PCDH15: variants seen among roughly 807,000 people sequenced by gnomAD.
PCDH15 encodes the protein protocadherin related 15, also known as protocadherin-15.
Under a neutral mutation model 178.5 loss-of-function variants are expected in PCDH15, and 129 were observed. The ratio of observed to expected loss-of-function variants is 0.72; its 90% confidence interval spans 0.63 to 0.84. The LOEUF (loss-of-function observed/expected upper bound fraction) is 0.84, where lower values mean the gene tolerates loss of function less well. PCDH15 is among the 40% of genes least tolerant of loss of function. PCDH15 has a pLI of 0.00. For missense variants in PCDH15, 2,230 were observed against 2,099.9 expected (o/e 1.06, Z -1.21); for synonymous variants, 800 against 732.0 (o/e 1.09, Z -1.50).
At chr10:54,099,450 G>T (rs1479786496) in intron 15 of PCDH15, among the ~76,000 whole-genome samples, 5 of 126,648 alleles carry the variant, frequency 3.9e-5, no homozygotes, top group Non-Finnish European at 7.8e-5. Context: ...AGTGAGCCAA[G>T]ATCACTCCAC....
intron 8 of PCDH15, among the ~76,000 whole-genome samples, chr10:54,296,884 G>T (rs987516831): frequency 5.5e-4 from 84 of 152,282 alleles, no homozygotes; most frequent in African/African-American, 1.8e-3. Flanking sequence ...CATCTTTATA[G>T]GGCATGGATA....
At chr10:54,917,149 T>A (rs1226555473) in intron 2 of PCDH15, among the ~76,000 whole-genome samples, 1 of 152,144 alleles carries the variant, frequency 6.6e-6, no homozygotes, top group African/African-American at 2.4e-5. Flanking sequence ...TAAAATGCAT[T>A]TGGCTAGAAC....
intron 3 of PCDH15, among the ~76,000 whole-genome samples, chr10:54,895,918 A>T (rs534542432): frequency 2.0e-5 from 3 of 151,474 alleles, no homozygotes; most frequent in Non-Finnish European, 4.4e-5. Context: ...ATGGAGTCTC[A>T]CTCTGTTGCC....
chr10:53,973,260 G>T (rs1205208694), intron 21 of PCDH15, among the ~76,000 whole-genome samples: 1 of 142,464 alleles, frequency 7.0e-6, no homozygotes, highest in East Asian at 2.2e-4. Context: ...TTGGACACAG[G>T]GCGAGGAACA....
chr10:54,411,374 T>A (rs1488473874), intron 3 of PCDH15, among the ~76,000 whole-genome samples: 1 of 152,184 alleles, frequency 6.6e-6, no homozygotes, highest in Non-Finnish European at 1.5e-5. Flanking sequence ...ACTGACTTTT[T>A]AAAATAAAAT....
chr10:54,517,147 A>G (rs1297442347), intron 3 of PCDH15, among the ~76,000 whole-genome samples: 17 of 152,232 alleles, frequency 1.1e-4, no homozygotes, highest in Admixed American at 6.5e-4. Context: ...AAGAAACTGC[A>G]TGAACTAACG....
At chr10:53,906,201 AGAATAAAAAAAATTG>A in intron 25 of PCDH15, among the ~76,000 whole-genome samples, 1 of 151,884 alleles carries the variant, frequency 6.6e-6, no homozygotes, top group South Asian at 2.1e-4. Context: ...CTTAGATGTT[AGAATAAAAAAAATTG>A]TTAACTTTTA....
intron 3 of PCDH15, among the ~76,000 whole-genome samples, chr10:54,881,269 G>GC (rs756192171): frequency 5.9e-5 from 9 of 152,020 alleles, no homozygotes; most frequent in Non-Finnish European, 8.8e-5. Flanking sequence ...GGAGTGACAG[G>GC]CAGACCTATT....
chr10:54,899,664 T>A (rs557488941), intron 2 of PCDH15, among the ~76,000 whole-genome samples: 1 of 151,462 alleles, frequency 6.6e-6, no homozygotes, highest in Non-Finnish European at 1.5e-5. Flanking sequence ...GCCTGGCTAA[T>A]TTTTTGTATT....
At chr10:55,014,186 G>T (rs1840115362) in intron 2 of PCDH15, among the ~76,000 whole-genome samples, 1 of 151,914 alleles carries the variant, frequency 6.6e-6, no homozygotes, top group Non-Finnish European at 1.5e-5. Flanking sequence ...TCAAAGGGAG[G>T]AATACACCTT....
intron 2 of PCDH15, among the ~76,000 whole-genome samples, chr10:54,532,617 C>A (rs547987677): frequency 6.6e-6 from 1 of 152,280 alleles, no homozygotes; most frequent in South Asian, 2.1e-4. Flanking sequence ...GGGCCTCAAT[C>A]AAATTTGTAA....
At chr10:54,271,837 C>T (rs1315041389) in intron 8 of PCDH15, among the ~76,000 whole-genome samples, 1 of 151,410 alleles carries the variant, frequency 6.6e-6, no homozygotes, top group Non-Finnish European at 1.5e-5. Context: ...TCTCATACAT[C>T]TTCATTTTAG....
intron 5 of PCDH15, among the ~76,000 whole-genome samples, chr10:54,351,109 A>T (rs1351774570): frequency 1.3e-5 from 1 of 74,962 alleles, no homozygotes; most frequent in Non-Finnish European, 4.2e-5. Context: ...TCTCAATTTA[A>T]AAAAAAAAAA....
intron 26 of PCDH15, among the ~76,000 whole-genome samples, chr10:53,894,995 C>A (rs915868527): frequency 1.3e-5 from 2 of 152,126 alleles, no homozygotes; most frequent in African/African-American, 4.8e-5. Flanking sequence ...ATTAGCTGCA[C>A]ATGTTGGGAA....
intron 1 of PCDH15, among the ~76,000 whole-genome samples, chr10:54,670,596 C>T (rs2094645553): frequency 6.6e-6 from 1 of 152,026 alleles, no homozygotes; most frequent in Non-Finnish European, 1.5e-5. Context: ...TCAGTTTAGT[C>T]TATAATAGAT....
chr10:53,962,430 C>CA (rs2088454350), intron 21 of PCDH15, among the ~76,000 whole-genome samples: 1 of 151,738 alleles, frequency 6.6e-6, no homozygotes, highest in Non-Finnish European at 1.5e-5. Flanking sequence ...GCTAAAAAAA[C>CA]AAAAATTATT....
chr10:53,890,480 T>C (rs1171361688), intron 26 of PCDH15, among the ~76,000 whole-genome samples: 7 of 152,078 alleles, frequency 4.6e-5, no homozygotes, highest in Non-Finnish European at 8.8e-5. Flanking sequence ...TATCTTGGGG[T>C]CTATTGGCTT....
chr10:54,645,088 C>A (rs1374576269), intron 2 of PCDH15, among the ~76,000 whole-genome samples: 1 of 151,978 alleles, frequency 6.6e-6, no homozygotes, highest in Non-Finnish European at 1.5e-5. Flanking sequence ...ATGACTAGGG[C>A]ATGTAAATAT....
At chr10:53,929,895 A>G (rs2926395) in intron 25 of PCDH15, among the ~76,000 whole-genome samples, 7,123 of 152,272 alleles carry the variant, frequency 0.047, 514 homozygotes, top group African/African-American at 0.16. Context: ...AAAAATTGCC[A>G]CTTCAATTAT....
Sources: allele counts gnomAD v4.1 joint callset (sites outside exome capture counted in the v4.1 genomes callset), GRCh38; gene constraint gnomAD v4.1.1; transcripts MANE v1.5; gene names NCBI Gene and HGNC (gene_info 2026-07-23, HGNC 2026-07-21).